ARID3A: variants seen among roughly 807,000 people sequenced by gnomAD.
The protein encoded by ARID3A is AT-rich interactive domain-containing protein 3A.
ARID3A carries 11 observed loss-of-function variants against 52.7 expected under a neutral mutation model. The ratio of observed to expected loss-of-function variants is 0.21; its 90% CI spans 0.13 to 0.35. ARID3A has a LOEUF of 0.35. Ranked by LOEUF, ARID3A falls within the 10% of genes least tolerant of loss-of-function variation. ARID3A has a pLI of 1.00. For synonymous variants in ARID3A, 404 were observed against 359.4 expected, an observed-to-expected ratio of 1.12 and a Z score of -1.40; for missense variants, 721 against 838.5, an observed-to-expected ratio of 0.86 and a Z score of 1.73.
chr19:957,170 C>T (rs1463921936), intron 3 of ARID3A, among the ~76,000 whole-genome samples: 1 of 152,198 alleles, frequency 6.6e-6, no homozygotes, highest in Non-Finnish European at 1.5e-5. Context: ...AGCCTCTTTC[C>T]CCTCTGGAAG....
chr19:932,481 GGAGGATTAC>G lies in ARID3A; in HGVS notation c.439_447del (p.Tyr147_Asp149del). The G allele has an allele frequency of 6.3e-7, 1 of 1,576,524 alleles. No homozygotes were observed. The highest frequency in any genetic ancestry group is 8.6e-7 in the Non-Finnish European group (1 of 1,168,038). ...TCGGGGAGGATGAGGAGGAGGAGGA[GGAGGATTAC>G]GAGGATGAGGAGGAGGAGGAGGACG... On this transcript the variant is annotated inframe_deletion, in exon 3 of 9. Transcript: ENST00000263620.
intron 3 of ARID3A, among the ~76,000 whole-genome samples, chr19:946,872 C>T (rs1053749970): frequency 6.6e-6 from 1 of 151,908 alleles, no homozygotes; most frequent in African/African-American, 2.4e-5. Flanking sequence ...CGGCTCACTG[C>T]AGCCTCGAGC....
In ARID3A at chr19:964,488, A is replaced by G; in HGVS notation, c.950+57A>G. 5 of 1,511,130 alleles carry G rather than the reference A, an allele frequency of 3.3e-6. No homozygotes were observed. Among genetic ancestry groups the G allele is most frequent in the Non-Finnish European group, 4.4e-6 (5 of 1,124,984 alleles). The allele number at this position is 1,511,130 out of a possible 1,614,324, so 93.6% of individuals were successfully genotyped here. On this transcript the variant is annotated intron_variant, in intron 5 of 8. Transcript: ENST00000263620. This position sits in a 1 kb window ranked among gnomAD's most constrained non-coding sequence, Gnocchi z 5.7. ...CCAGGGCACTCTGAGCAGCCAGTGCAAGGGGCCTGCAGAAGAGGGAGGGGG... is the reference window on the plus strand; with the variant it reads ...CCAGGGCACTCTGAGCAGCCAGTGCGAGGGGCCTGCAGAAGAGGGAGGGGG...
chr19:937,305 C>T (rs1042775169), intron 3 of ARID3A, among the ~76,000 whole-genome samples: 4 of 152,150 alleles, frequency 2.6e-5, no homozygotes, highest in African/African-American at 7.2e-5. Flanking sequence ...TCACACACTG[C>T]GTGGCCTTTT....
intron 3 of ARID3A, among the ~76,000 whole-genome samples, chr19:954,211 G>C (rs1419237848): frequency 6.6e-6 from 1 of 152,284 alleles, no homozygotes; most frequent in South Asian, 2.1e-4. Context: ...AGTGGGGAAG[G>C]GTCTGGCAGG....
At position 966,609 on chromosome 19, in the gene ARID3A, C is replaced by A; in HGVS notation, c.1236C>A (p.Arg412=). The A allele has an allele frequency of 6.3e-7, 1 of 1,585,302 alleles. No individual in the cohort carries two copies. Among genetic ancestry groups the A allele is most frequent in the Non-Finnish European group, 8.6e-7 (1 of 1,161,392 alleles). ...DSAIPITVPG[R]LPVSLAGHPV... The stretch of plus-strand genomic sequence containing the variant: ...CCATCCCCATCACAGTCCCTGGCCG[C>A]CTGCCTGTGTCCCTGGCGGGCCACC... The change falls in exon 7 of 9, where the codon CGC becomes CGA. Residue 412 remains arginine (R), a synonymous_variant. Transcript: ENST00000263620.
rs781231612 is a variant in ARID3A, at chr19:972,028, C to T, written c.1745C>T (p.Thr582Ile). Residue 582 changes from threonine to isoleucine, a missense_variant, in exon 9 of 9, where the codon ACA becomes ATA. Around this residue, in one of 5 missense-constraint regions of ARID3A, gnomAD observed 297 missense variants for 343.2 expected, o/e 0.87. Coordinates refer to ENST00000263620, the MANE Select transcript of ARID3A (RefSeq NM_005224.3). ...GGQAGPAGLSTPSTSTSNNSL... is the reference protein window; with the variant it reads ...GGQAGPAGLSIPSTSTSNNSL... ...CAGGCTGGGCCAGCGGGGCTGTCCA[C>T]ACCCTCCACATCTACCTCAAATAAC... 1.9e-6 allele frequency: 3 copies of T among 1,590,652 alleles called. No individual in the cohort carries two copies. Among genetic ancestry groups the T allele is most frequent in the East Asian group, 2.4e-5 (1 of 42,478 alleles).
rs1025293706 is a variant in ARID3A at position 938,771 on chromosome 19, C to T, written c.693+6029C>T. The stretch of plus-strand genomic sequence containing the variant: ...CCTCGCTGGGCCCAGCCCCAGAGAC[C>T]GCTGGGTCCTCACCACGGTGCCTGC... On this transcript the variant is annotated intron_variant, in intron 3 of 8. Transcript: ENST00000263620. This position sits in a 1 kb window ranked among gnomAD's most constrained non-coding sequence, Gnocchi z 4.0. Among the ~76,000 whole-genome samples, 5 of 152,068 alleles carry T rather than the reference C, an allele frequency of 3.3e-5. No individual in the cohort carries two copies. The highest frequency in any genetic ancestry group is 1.9e-4 in the East Asian group (1 of 5,176).
chr19:947,471 G>A lies in ARID3A; in HGVS notation c.694-12621G>A, dbSNP rs560478256. ...GCCTCAGTTTCCCCAACTGTGAAAC[G>A]GGCTGGCGGCCGGTCAGCGTCTCCT... is the stretch of plus-strand genomic sequence containing the variant. On this transcript the variant is annotated intron_variant, in intron 3 of 8. Transcript: ENST00000263620. This position sits in a 1 kb window ranked among gnomAD's most constrained non-coding sequence, Gnocchi z 6.3. Among the ~76,000 whole-genome samples the A allele has an allele frequency of 2.6e-5, 4 of 152,258 alleles. No homozygotes were observed. The highest frequency in any genetic ancestry group is 9.6e-5 in the African/African-American group (4 of 41,548).
chr19:933,522 G>GC (rs1312467284), intron 3 of ARID3A, among the ~76,000 whole-genome samples: 2 of 152,186 alleles, frequency 1.3e-5, no homozygotes, highest in Admixed American at 1.3e-4. Flanking sequence ...CCACCTCCTC[G>GC]CCCGGGGCTG....
chr19:972,210 G>T lies in ARID3A; in HGVS notation c.*145G>T. ...AAGGAGCCACAGCTGACGCCAAAAA[G>T]AAAAGAAAAAAGATATATATATATA... is the stretch of plus-strand genomic sequence containing the variant. On this transcript the variant is annotated 3_prime_UTR_variant, in exon 9 of 9. Transcript: ENST00000263620. 1 of 397,028 alleles carries T rather than the reference G, an allele frequency of 2.5e-6. No homozygotes were observed. The highest frequency in any genetic ancestry group is 4.3e-5 in the East Asian group (1 of 23,516). 24.6% of individuals were successfully genotyped at this position (397,028 alleles called of 1,614,324 possible).
Position 972,034 on chromosome 19 carries a change from C to G in ARID3A, c.1751C>G (p.Ser584Cys), listed in dbSNP as rs1230906725. ...GGGCCAGCGGGGCTGTCCACACCCT[C>G]CACATCTACCTCAAATAACTCGTTG... ...QAGPAGLSTP[S>C]TSTSNNSLP The change falls in exon 9 of 9, where the codon TCC becomes TGC. Residue 584 changes from serine to cysteine, a missense_variant. This residue lies in a region of ARID3A where 297 missense variants were observed against 343.2 expected (regional missense o/e 0.87). Transcript: ENST00000263620. 3.8e-6 allele frequency: 6 copies of G among 1,584,216 alleles called. No individual in the cohort carries two copies. The South Asian group carries it at 6.8e-5, about 18-fold the overall frequency.
chr19:963,333 T>TGGGC (rs1491472162), intron 4 of ARID3A, among the ~76,000 whole-genome samples: 4 of 152,310 alleles, frequency 2.6e-5, no homozygotes, highest in African/African-American at 9.6e-5. Flanking sequence ...GGACCCCACG[T>TGGGC]AGGCAGAACA....
At chr19:935,313 G>C (rs1303162914) in intron 3 of ARID3A, among the ~76,000 whole-genome samples, 1 of 152,200 alleles carries the variant, frequency 6.6e-6, no homozygotes, top group Non-Finnish European at 1.5e-5. Flanking sequence ...TGGACACCTG[G>C]AACCTTGCTG....
chr19:964,365 G>A lies in ARID3A; in HGVS notation c.884G>A (p.Arg295His). 1 of 1,613,866 alleles carries A rather than the reference G, an allele frequency of 6.2e-7. No individual in the cohort carries two copies. Among genetic ancestry groups the A allele is most frequent in the Non-Finnish European group, 8.5e-7 (1 of 1,179,884 alleles). ...LVEVINKKLW[R>H]EITKGLNLPT... Reference sequence around the variant, plus strand: ...GAGGTCATCAACAAGAAGCTGTGGCGTGAGATCACCAAGGGCCTCAACCTG... The same window carrying A: ...GAGGTCATCAACAAGAAGCTGTGGCATGAGATCACCAAGGGCCTCAACCTG... Residue 295 changes from arginine to histidine, a missense_variant, in exon 5 of 9, where the codon CGT (arginine) becomes CAT (histidine). This residue lies in a region of ARID3A where 43 missense variants were observed against 143.7 expected (regional missense o/e 0.30). Transcript: ENST00000263620. The surrounding 1 kb of genome is among the most constrained non-coding windows in gnomAD (Gnocchi z 5.7).
At chr19:958,711 G>A (rs996341201) in intron 3 of ARID3A, among the ~76,000 whole-genome samples, 2 of 151,940 alleles carry the variant, frequency 1.3e-5, no homozygotes, top group Admixed American at 1.3e-4. Flanking sequence ...GGCTAACACG[G>A]TGAAGCCCCG....
Position 944,504 on chromosome 19 carries a change from A to T in ARID3A, c.693+11762A>T, listed in dbSNP as rs2037634749. 6.6e-6 allele frequency among the ~76,000 whole-genome samples: 1 copy of T among 152,184 alleles called. No homozygotes were observed. The highest frequency in any genetic ancestry group is 2.1e-4 in the South Asian group (1 of 4,820). ...CCAAACCTTGACCCATCTCAGGGGCACCACGCTCACTGCTACAAATGTGGG... is the reference window on the plus strand; with the variant it reads ...CCAAACCTTGACCCATCTCAGGGGCTCCACGCTCACTGCTACAAATGTGGG... On this transcript the variant is annotated intron_variant, in intron 3 of 8. Transcript: ENST00000263620. The surrounding 1 kb of genome is among the most constrained non-coding windows in gnomAD (Gnocchi z 5.9).
chr19:949,162 C>G (rs1004900926), intron 3 of ARID3A, among the ~76,000 whole-genome samples: 3 of 152,140 alleles, frequency 2.0e-5, no homozygotes, highest in African/African-American at 7.2e-5. Flanking sequence ...GGACCCCTCC[C>G]TGCCTCAGTT....
At position 960,081 on chromosome 19, in the gene ARID3A, C is replaced by T; in HGVS notation, c.694-11C>T. The T allele has an allele frequency of 1.2e-6, 2 of 1,611,038 alleles. No individual in the cohort carries two copies. Among genetic ancestry groups the T allele is most frequent in the Non-Finnish European group, 1.7e-6 (2 of 1,178,198 alleles). On this transcript the variant is annotated splice_polypyrimidine_tract_variant and intron_variant, in intron 3 of 8. Transcript: ENST00000263620. This position sits in a 1 kb window ranked among gnomAD's most constrained non-coding sequence, Gnocchi z 4.3. ...GGCACCAACTAACCCATCCCCTCTCCACCCTCACAGCTCTACGAACTCGAC... is the reference window on the plus strand; with the variant it reads ...GGCACCAACTAACCCATCCCCTCTCTACCCTCACAGCTCTACGAACTCGAC...
Sources: allele counts gnomAD v4.1 joint callset (sites outside exome capture counted in the v4.1 genomes callset), GRCh38; gene constraint gnomAD v4.1.1; regional missense constraint gnomAD v4.1.1; non-coding constraint Gnocchi (gnomAD v3.1); transcripts MANE v1.5; gene names NCBI Gene and HGNC (gene_info 2026-07-23, HGNC 2026-07-21).